Variants in ACO1 observed in about 807,000 individuals in gnomAD.
ACO1 encodes the protein cytoplasmic aconitate hydratase.
In ACO1, 78 loss-of-function variants were observed where a neutral mutation model predicts 105.1. The observed-to-expected ratio is 0.74, with a 90% CI of 0.62 to 0.90. ACO1 has a LOEUF of 0.90. ACO1 is among the 40% of genes least tolerant of loss of function. The probability of loss-of-function intolerance (pLI) is 0.00; values close to 1 mark genes in which losing one functional copy is unlikely to be tolerated. For missense variants in ACO1, 965 were observed against 1,111.1 expected (o/e 0.87, Z 1.87); for synonymous variants, 364 against 397.4 (o/e 0.92, Z 1.00).
At chr9:32,436,158 GT>G in intron 17 of ACO1, 91 bp from the exon 18 acceptor site, 2 of 1,526,370 alleles carry the variant, frequency 1.3e-6, no homozygotes, top group Non-Finnish European at 1.8e-6. Flanking sequence ...TCTATGTTTT[GT>G]TTTGTTTTGT....
intron 13 of ACO1, among the ~76,000 whole-genome samples, 199 bp from the exon 14 acceptor site, chr9:32,430,219 G>A (rs890757531): frequency 2.6e-5 from 4 of 152,120 alleles, no homozygotes; most frequent in African/African-American, 9.7e-5. Flanking sequence ...CACTAAACAT[G>A]TCTCTGCTTC....
chr9:32,440,695 AGCTC>A lies in ACO1; in HGVS notation c.2370+109_2370+112del. ...TCCAAGAAGATGTCAAGGAAGAGCA[AGCTC>A]AAAAAAGCAGGTAGTGTTTATTCCT... On this transcript the variant is annotated intron_variant, in intron 19 of 20. Coordinates refer to ENST00000309951, the MANE Select transcript of ACO1 (RefSeq NM_002197.3). 7 of 1,412,008 alleles carry A rather than the reference AGCTC, an allele frequency of 5.0e-6. No homozygotes were observed. The Admixed American group carries it at 7.5e-5, about 15-fold the overall frequency. The allele number at this position is 1,412,008 out of a possible 1,614,324, so 87.5% of individuals were successfully genotyped here. A position where few individuals can be genotyped will look rare whatever the true frequency, so the allele number is the denominator to read the frequency against.
At chr9:32,424,502 G>T (rs1181628436) in intron 9 of ACO1, 47 bp from the exon 10 acceptor site, 3 of 1,312,642 alleles carry the variant, frequency 2.3e-6, no homozygotes, top group Non-Finnish European at 3.2e-6. Context: ...TTTCCTCTTT[G>T]TGGGTATAAT....
intron 7 of ACO1, among the ~76,000 whole-genome samples, 170 bp from the exon 8 acceptor site, chr9:32,420,686 A>G (rs1039246092): frequency 3.9e-5 from 6 of 152,184 alleles, no homozygotes; most frequent in African/African-American, 1.4e-4. Context: ...ACCATGTTGC[A>G]TTTAGTTGGC....
intron 3 of ACO1, among the ~76,000 whole-genome samples, chr9:32,407,864 CA>C (rs960254988): frequency 6.6e-6 from 1 of 152,200 alleles, no homozygotes; most frequent in African/African-American, 2.4e-5. Flanking sequence ...GCTCACATCA[CA>C]AGTCTTGACC....
At chr9:32,429,562 C>A in intron 13 of ACO1, 59 bp downstream of exon 13, 3 of 1,412,286 alleles carry the variant, frequency 2.1e-6, no homozygotes, top group South Asian at 2.4e-5. Flanking sequence ...TGTAATGTGA[C>A]AAAAATGCTG....
At chr9:32,412,869 A>AGGG (rs1821769347) in intron 4 of ACO1, among the ~76,000 whole-genome samples, 1 of 152,154 alleles carries the variant, frequency 6.6e-6, no homozygotes, top group Non-Finnish European at 1.5e-5. Context: ...ATTAATGTTG[A>AGGG]TGGGTTTACC....
chr9:32,449,255 A>G (rs898953547), intron 20 of ACO1, among the ~76,000 whole-genome samples, 174 bp downstream of exon 20: 1 of 151,444 alleles, frequency 6.6e-6, no homozygotes, highest in African/African-American at 2.5e-5. Context: ...ATAGCATAGG[A>G]TGATGCCTAT....
Position 32,453,054 on chromosome 9 carries a change from T to C in ACO1, c.*2943T>C, listed in dbSNP as rs1323159010. ...AAATAAACCAACTTCTTTTACCTGG[T>C]TCTTTAAGGGCTGCTCGTCTTACTA... On this transcript the variant is annotated 3_prime_UTR_variant, in exon 21 of 21. Coordinates refer to ENST00000309951, the MANE Select transcript of ACO1 (RefSeq NM_002197.3). 1.3e-5 allele frequency: 2 copies of C among 148,814 alleles called. No homozygotes were observed. Among genetic ancestry groups the C allele is most frequent in the East Asian group, 4.1e-4 (2 of 4,848 alleles). 9.2% of individuals were successfully genotyped at this position (148,814 alleles called of 1,614,324 possible).
chr9:32,432,557 C>G (rs1045638787), intron 15 of ACO1, among the ~76,000 whole-genome samples: 2 of 152,042 alleles, frequency 1.3e-5, no homozygotes, highest in Non-Finnish European at 2.9e-5. Context: ...AAATGCCTTC[C>G]TCCAAAGGCC....
chr9:32,429,373 A>C (rs762159934), intron 12 of ACO1, 46 bp from the exon 13 acceptor site: 3 of 1,584,094 alleles, frequency 1.9e-6, no homozygotes, highest in Non-Finnish European at 2.6e-6. Context: ...GGCTCACTGA[A>C]AGTTATTCTT....
At chr9:32,433,447 G>A (rs1264181230) in intron 15 of ACO1, among the ~76,000 whole-genome samples, 2 of 151,894 alleles carry the variant, frequency 1.3e-5, no homozygotes, top group African/African-American at 4.8e-5. Context: ...TCTTGCCCAG[G>A]CTGGTCTTGA....
intron 1 of ACO1, among the ~76,000 whole-genome samples, chr9:32,393,659 CAG>C (rs1424820823): frequency 1.3e-5 from 2 of 152,154 alleles, no homozygotes; most frequent in African/African-American, 4.8e-5. Context: ...TTTTACTGCT[CAG>C]GGGGCATCAC....
chr9:32,424,462 C>A, intron 9 of ACO1, 87 bp from the exon 10 acceptor site: 1 of 840,810 alleles, frequency 1.2e-6, no homozygotes, highest in South Asian at 1.7e-5. Flanking sequence ...TTATGGTTGT[C>A]ATGTTTTAAA....
intron 4 of ACO1, among the ~76,000 whole-genome samples, chr9:32,412,937 T>C (rs529829280): frequency 2.0e-5 from 3 of 152,248 alleles, no homozygotes; most frequent in African/African-American, 4.8e-5. Flanking sequence ...GTAATATAGT[T>C]TTCATGTCTA....
At chr9:32,435,826 AT>A (rs1334038723) in intron 17 of ACO1, among the ~76,000 whole-genome samples, 2 of 152,142 alleles carry the variant, frequency 1.3e-5, no homozygotes, top group Non-Finnish European at 2.9e-5. Flanking sequence ...TGTGGAACGT[AT>A]TTTGTGTTTC....
chr9:32,435,173 A>G (rs577584574), intron 17 of ACO1, among the ~76,000 whole-genome samples: 14 of 152,270 alleles, frequency 9.2e-5, no homozygotes, highest in African/African-American at 3.4e-4. Flanking sequence ...ATTATCAACT[A>G]CTGTCTCATA....
chr9:32,404,073 T>C (rs1314500841), intron 1 of ACO1, among the ~76,000 whole-genome samples: 1 of 152,188 alleles, frequency 6.6e-6, no homozygotes, highest in Non-Finnish European at 1.5e-5. Context: ...GTTTCTTATT[T>C]ATAGGGCTTT....
At position 32,407,244 on chromosome 9, in the gene ACO1, T is replaced by A; in HGVS notation, c.98-17T>A. ...TGTCTCACAGGTTTTGTTTATTTTG[T>A]CATCCTTAACTCTTAGGGCGCTTAC... On this transcript the variant is annotated splice_polypyrimidine_tract_variant and intron_variant, in intron 2 of 20. Transcript: ENST00000309951. 6.2e-7 allele frequency: 1 copy of A among 1,611,978 alleles called. No homozygotes were observed. The highest frequency in any genetic ancestry group is 8.5e-7 in the Non-Finnish European group (1 of 1,178,632).
Sources: gnomAD v4.1 joint callset for allele counts (sites outside exome capture counted in the v4.1 genomes callset) on GRCh38, gnomAD v4.1.1 for gene constraint, MANE v1.5 for transcripts, NCBI Gene and HGNC (gene_info 2026-07-23, HGNC 2026-07-21) for gene names.